DPYSL2: variants seen among roughly 807,000 people sequenced by gnomAD.
DPYSL2 encodes the protein dihydropyrimidinase-related protein 2.
Under a neutral mutation model 69.9 loss-of-function variants are expected in DPYSL2, and 13 were observed. The observed-to-expected ratio is 0.19, with a 90% CI of 0.12 to 0.30. The LOEUF (loss-of-function observed/expected upper bound fraction) is 0.30, where lower values mean the gene tolerates loss of function less well. Among genes scored for constraint, DPYSL2 ranks in the 10% least tolerant of loss-of-function variants. The pLI, the probability that DPYSL2 is intolerant of heterozygous loss-of-function variation, is 1.00. For synonymous variants in DPYSL2, 326 were observed against 359.1 expected (o/e 0.91, Z 1.04); for missense variants, 587 against 918.9 (o/e 0.64, Z 4.67).
intron 3 of DPYSL2, among the ~76,000 whole-genome samples, chr8:26,595,081 G>C (rs1194394600): frequency 6.6e-6 from 1 of 151,930 alleles, no homozygotes; most frequent in Admixed American, 6.6e-5. Context: ...AAATTAGCTG[G>C]GCGTGGTGAC....
At position 26,619,058 on chromosome 8, in the gene DPYSL2, A is replaced by G. The variant is rs989474185; in HGVS notation, c.629-5085A>G. Among the ~76,000 whole-genome samples, 4 of 151,916 alleles carry G rather than the reference A, an allele frequency of 2.6e-5. No homozygotes were observed. The highest frequency in any genetic ancestry group is 6.6e-5 in the Admixed American group (1 of 15,242). The stretch of plus-strand genomic sequence containing the variant: ...AAAACTAGAATTTGGGGGCTCCTTG[A>G]CCCCCAAGCCTATTCTCTTTTCACT... On this transcript the variant is annotated intron_variant, in intron 3 of 13. Transcript: ENST00000521913. This position sits in a 1 kb window ranked among gnomAD's most constrained non-coding sequence, Gnocchi z 4.8.
At position 26,564,055 on chromosome 8, in the gene DPYSL2, G is replaced by A. The variant is rs1801112987; in HGVS notation, c.355-17914G>A. Among the ~76,000 whole-genome samples, 1 of 151,962 alleles carries A rather than the reference G, an allele frequency of 6.6e-6. No homozygotes were observed. The highest frequency in any genetic ancestry group is 1.5e-5 in the Non-Finnish European group (1 of 67,984). On this transcript the variant is annotated intron_variant, in intron 1 of 13. Transcript: ENST00000521913. The surrounding 1 kb of genome is among the most constrained non-coding windows in gnomAD (Gnocchi z 4.8). ...AGTCATAAAAGCGTGAAAAGAGCCA[G>A]AAAAAAAGGCATCACAGAAGCGAGG...
In DPYSL2 at chr8:26,530,198, G is replaced by C. The variant is rs115080208; in HGVS notation, c.354+15519G>C. Among the ~76,000 whole-genome samples, 167 of 149,992 alleles carry C rather than the reference G, an allele frequency of 1.1e-3. 2 individuals carry two copies. Among genetic ancestry groups the C allele is most frequent in the African/African-American group, 3.6e-3 (145 of 40,330 alleles). On this transcript the variant is annotated intron_variant, in intron 1 of 13. Coordinates refer to ENST00000521913, the MANE Select transcript of DPYSL2 (RefSeq NM_001197293.3). ...ACCAACAACTATCATCTACAACTCTGTTCACTAAATCTCCTCCAATTTCAG... is the reference window on the plus strand; with the variant it reads ...ACCAACAACTATCATCTACAACTCTCTTCACTAAATCTCCTCCAATTTCAG...
intron 3 of DPYSL2, among the ~76,000 whole-genome samples, chr8:26,592,152 G>A (rs1801741531): frequency 6.6e-6 from 1 of 152,128 alleles, no homozygotes; most frequent in South Asian, 2.1e-4. Flanking sequence ...AATTAATGGT[G>A]CAGAGAGTTT....
chr8:26,577,408 G>A (rs1267124596), intron 1 of DPYSL2: 1 of 155,026 alleles, frequency 6.5e-6, no homozygotes, highest in African/African-American at 2.4e-5. Context: ...GAGGGCCCGG[G>A]AGCCCTCCCG....
chr8:26,616,929 T>C (rs557207012), intron 3 of DPYSL2, among the ~76,000 whole-genome samples: 56 of 151,328 alleles, frequency 3.7e-4, no homozygotes, highest in Non-Finnish European at 6.5e-4. Context: ...GGGTGGAGGG[T>C]TACACATCCT....
chr8:26,630,393 TCCCAGGGCTTTGTTCCG>T (rs905955992), intron 7 of DPYSL2, among the ~76,000 whole-genome samples: 1 of 152,032 alleles, frequency 6.6e-6, no homozygotes, highest in Non-Finnish European at 1.5e-5. Context: ...AGGGCTTTGT[TCCCAGGGCTTTGTTCCG>T]CCCTGAAACA....
chr8:26,569,372 A>AC (rs1172398073), intron 1 of DPYSL2, among the ~76,000 whole-genome samples: 1 of 127,180 alleles, frequency 7.9e-6, no homozygotes, highest in Non-Finnish European at 1.7e-5. Flanking sequence ...AAACAAAAAC[A>AC]AAAACAAAAA....
chr8:26,528,070 G>A (rs1808510734), intron 1 of DPYSL2, among the ~76,000 whole-genome samples: 1 of 152,188 alleles, frequency 6.6e-6, no homozygotes, highest in Admixed American at 6.5e-5. Context: ...AAAGTGCTGA[G>A]ATTACAGGCA....
chr8:26,635,036 A>C, intron 8 of DPYSL2, 136 bp downstream of exon 8: 1 of 1,321,662 alleles, frequency 7.6e-7, no homozygotes, highest in Non-Finnish European at 1.0e-6. Context: ...CATTAACCTA[A>C]TTACAGCCGG....
In DPYSL2 at chr8:26,562,099, A is replaced by G. The variant is rs1801080637; in HGVS notation, c.355-19870A>G. The stretch of plus-strand genomic sequence containing the variant: ...GATAGTTTTCTCCTACTTACTCCAC[A>G]TCCAATCTATTAGTGACTTTTATTG... On this transcript the variant is annotated intron_variant, in intron 1 of 13. Coordinates refer to ENST00000521913, the MANE Select transcript of DPYSL2 (RefSeq NM_001197293.3). This position sits in a 1 kb window ranked among gnomAD's most constrained non-coding sequence, Gnocchi z 4.9. Among the ~76,000 whole-genome samples, 1 of 152,182 alleles carries G rather than the reference A, an allele frequency of 6.6e-6. No individual in the cohort carries two copies. The highest frequency in any genetic ancestry group is 6.5e-5 in the Admixed American group (1 of 15,268).
intron 3 of DPYSL2, among the ~76,000 whole-genome samples, chr8:26,615,084 C>T (rs1585547820): frequency 6.6e-6 from 1 of 152,168 alleles, no homozygotes; most frequent in Non-Finnish European, 1.5e-5. Flanking sequence ...GTGGCTGTTG[C>T]GCAGCTTCTG....
chr8:26,556,744 A>G (rs1371934806), intron 1 of DPYSL2, among the ~76,000 whole-genome samples: 1 of 152,098 alleles, frequency 6.6e-6, no homozygotes, highest in Non-Finnish European at 1.5e-5. Flanking sequence ...AACAAACTGA[A>G]TCTAAAGTTT....
At chr8:26,563,333 G>A (rs558907209) in intron 1 of DPYSL2, among the ~76,000 whole-genome samples, 1 of 152,038 alleles carries the variant, frequency 6.6e-6, no homozygotes, top group African/African-American at 2.4e-5. Context: ...CTCCCAGATG[G>A]CTTCCTCCTT....
At chr8:26,635,001 G>A in intron 8 of DPYSL2, 101 bp downstream of exon 8, 2 of 1,517,850 alleles carry the variant, frequency 1.3e-6, no homozygotes, top group Non-Finnish European at 1.8e-6. Context: ...CTCATGCCAA[G>A]TGGGCCACTT....
At chr8:26,630,420 A>G (rs1802742923) in intron 7 of DPYSL2, among the ~76,000 whole-genome samples, 1 of 151,994 alleles carries the variant, frequency 6.6e-6, no homozygotes, top group South Asian at 2.1e-4. Context: ...GCCCTGAAAC[A>G]GTCTTGGGAT....
chr8:26,643,155 A>G lies in DPYSL2; in HGVS notation c.1127-284A>G. 1 of 344,864 alleles carries G rather than the reference A, an allele frequency of 2.9e-6. No homozygotes were observed. The allele number at this position is 344,864 out of a possible 1,614,324, so 21.4% of individuals were successfully genotyped here. A position where few individuals can be genotyped will look rare whatever the true frequency, so the allele number is the denominator to read the frequency against. On this transcript the variant is annotated intron_variant, in intron 8 of 13. Coordinates refer to ENST00000521913, the MANE Select transcript of DPYSL2 (RefSeq NM_001197293.3). This position sits in a 1 kb window ranked among gnomAD's most constrained non-coding sequence, Gnocchi z 6.5. ...AGATTAATGGAATTGAAAATCAGCA[A>G]CGTAGGAGACAGAAGCCTTCAGGAT...
chr8:26,537,948 T>C (rs1295664592), intron 1 of DPYSL2, among the ~76,000 whole-genome samples: 1 of 152,190 alleles, frequency 6.6e-6, no homozygotes, highest in Non-Finnish European at 1.5e-5. Flanking sequence ...CCTTAACACT[T>C]AATGAAAACT....
chr8:26,628,519 C>T (rs56689706), intron 7 of DPYSL2, among the ~76,000 whole-genome samples: 3,233 of 152,202 alleles, frequency 0.021, 103 homozygotes, highest in African/African-American at 0.072. Flanking sequence ...AGGGTGCACA[C>T]GTCTTAGGTA....
Sources: allele counts gnomAD v4.1 joint callset (sites outside exome capture counted in the v4.1 genomes callset), GRCh38; gene constraint gnomAD v4.1.1; non-coding constraint Gnocchi (gnomAD v3.1); transcripts MANE v1.5; gene names NCBI Gene and HGNC (gene_info 2026-07-23, HGNC 2026-07-21).